FAM86B2: variants seen among roughly 807,000 people sequenced by gnomAD.
The protein encoded by FAM86B2 is putative protein N-methyltransferase FAM86B2.
A neutral mutation model predicts 26.5 loss-of-function variants in FAM86B2; 1 was observed. The ratio of observed to expected loss-of-function variants is 0.04; its 90% CI spans 0.01 to 0.18. FAM86B2 has a LOEUF of 0.18. Ranked by LOEUF, FAM86B2 falls within the 10% of genes least tolerant of loss-of-function variation. The pLI, the probability that FAM86B2 is intolerant of heterozygous loss-of-function variation, is 1.00. For synonymous variants in FAM86B2, 11 were observed against 127.8 expected, an observed-to-expected ratio of 0.09 and a Z score of 6.17; for missense variants, 43 against 303.5, an observed-to-expected ratio of 0.14 and a Z score of 6.38.
intron 7 of FAM86B2, among the ~76,000 whole-genome samples, chr8:12,426,228 C>A (rs1282774680): frequency 8.8e-5 from 13 of 148,206 alleles, no homozygotes; most frequent in African/African-American, 3.2e-4. Context: ...TCTGTGCCTG[C>A]GTCTGCCCCA....
intron 1 of FAM86B2, among the ~76,000 whole-genome samples, chr8:12,435,978 G>T (rs2150904260): frequency 6.6e-6 from 1 of 151,786 alleles, no homozygotes; most frequent in East Asian, 1.9e-4. Flanking sequence ...TCGTGAAAAT[G>T]ATCGTGAACC....
intron 6 of FAM86B2, among the ~76,000 whole-genome samples, chr8:12,428,339 G>T (rs1273773465): frequency 2.0e-5 from 3 of 151,200 alleles, no homozygotes; most frequent in Non-Finnish European, 3.0e-5. Context: ...TACCAGAAGT[G>T]GTTGTTTTCC....
chr8:12,433,237 CAG>C (rs1798343782), intron 2 of FAM86B2, among the ~76,000 whole-genome samples: 1 of 65,278 alleles, frequency 1.5e-5, no homozygotes, highest in Non-Finnish European at 3.2e-5. Context: ...GGGTGAAACT[CAG>C]AGCAAGGTGC....
At chr8:12,426,355 A>T (rs1388715745) in intron 7 of FAM86B2, among the ~76,000 whole-genome samples, 1 of 147,450 alleles carries the variant, frequency 6.8e-6, no homozygotes. Flanking sequence ...CTCTGTCTCA[A>T]AAAAAAAAAA....
intron 7 of FAM86B2, chr8:12,427,387 GC>G (rs1394616051): frequency 3.2e-6 from 1 of 310,660 alleles, no homozygotes; most frequent in Non-Finnish European, 5.1e-6. Context: ...GGAAACCGAG[GC>G]CCAAGGGCTT....
At chr8:12,435,912 G>C (rs1322531087) in intron 1 of FAM86B2, among the ~76,000 whole-genome samples, 1 of 149,370 alleles carries the variant, frequency 6.7e-6, no homozygotes. Context: ...TGACTTTTTA[G>C]AATGGGCGAG....
At chr8:12,433,626 C>T (rs1459113052) in intron 2 of FAM86B2, among the ~76,000 whole-genome samples, 93 of 143,438 alleles carry the variant, frequency 6.5e-4, no homozygotes, top group African/African-American at 2.1e-3. Context: ...CATGCAGATG[C>T]ACTTGAGTCC....
chr8:12,429,251 G>A, intron 4 of FAM86B2, 137 bp from the exon 5 acceptor site: 1 of 125,666 alleles, frequency 8.0e-6, no homozygotes, highest in Non-Finnish European at 1.3e-5. Flanking sequence ...GCAGCTAACT[G>A]TTGACATACC....
rs577964015 is a variant in FAM86B2, at chr8:12,435,819, TGAG to T, written c.96+426_96+428del. Among the ~76,000 whole-genome samples, 88 of 139,574 alleles carry T rather than the reference TGAG, an allele frequency of 6.3e-4. 3 individuals carry two copies. The Middle Eastern group carries it at 0.015, about 24-fold the overall frequency. 91.6% of individuals were successfully genotyped at this position (139,574 alleles called of 152,430 possible). On this transcript the variant is annotated intron_variant, in intron 1 of 7. Coordinates refer to ENST00000262365, the MANE Select transcript of FAM86B2 (RefSeq NM_001137610.3). ...TTCTGTGCAGTGCTCGACATACAGA[TGAG>T]AACACTGAGGCACGAGGGACAGCCT...
intron 7 of FAM86B2, among the ~76,000 whole-genome samples, 162 bp from the exon 8 acceptor site, chr8:12,426,151 C>G: frequency 1.4e-5 from 2 of 145,508 alleles, no homozygotes; most frequent in Non-Finnish European, 3.0e-5. Context: ...AATTCGCCTC[C>G]AGGATGGGAC....
chr8:12,434,995 C>G (rs1271547999), intron 1 of FAM86B2, among the ~76,000 whole-genome samples: 2 of 151,288 alleles, frequency 1.3e-5, no homozygotes, highest in Non-Finnish European at 2.9e-5. Flanking sequence ...CCTCATCTAT[C>G]ATGGGTACTG....
In FAM86B2 at chr8:12,427,711, C is replaced by T. The variant is rs201696967; in HGVS notation, c.838G>A (p.Val280Met). ...TCTGGGTTGCGGACGGTAAAGGCCA[C>T]GTAGACCTCAGGAGCCCGCTTGTGC... Reference protein sequence around the residue: ...REHKRAPEVYVAFTVRNPETC... With the variant: ...REHKRAPEVYMAFTVRNPETC... Residue 280 changes from valine to methionine, a missense_variant, in exon 7 of 8, where the codon GTG becomes ATG. Physicochemically the swap from Val to Met is conservative, Grantham distance 21. Coordinates refer to ENST00000262365, the MANE Select transcript of FAM86B2 (RefSeq NM_001137610.3). 4.8e-4 allele frequency: 528 copies of T among 1,094,726 alleles called. 172 individuals are homozygous for T. Among genetic ancestry groups the T allele is most frequent in the African/African-American group, 6.8e-4 (36 of 53,172 alleles). 67.8% of individuals were successfully genotyped at this position (1,094,726 alleles called of 1,614,324 possible). A position where few individuals can be genotyped will look rare whatever the true frequency, so the allele number is the denominator to read the frequency against.
Position 12,429,423 on chromosome 8 carries a change from G to A in FAM86B2, c.343-309C>T, listed in dbSNP as rs1289990833. Among the ~76,000 whole-genome samples the A allele has an allele frequency of 7.4e-5, 4 of 54,326 alleles. 1 individual carries two copies. The highest frequency in any genetic ancestry group is 8.8e-4 in the East Asian group (1 of 1,138). The allele number at this position is 54,326 out of a possible 152,430, so 35.6% of individuals were successfully genotyped here. ...CAGGTGTGGCTATGAAGAGGTGGCT[G>A]CCTTGTGATGATTCAATATGCTATG... On this transcript the variant is annotated intron_variant, in intron 4 of 7. Coordinates refer to ENST00000262365, the MANE Select transcript of FAM86B2 (RefSeq NM_001137610.3).
Position 12,424,446 on chromosome 8 carries a change from T to TCACA in FAM86B2, c.*1442_*1443insTGTG, listed in dbSNP as rs1358815590. On this transcript the variant is annotated 3_prime_UTR_variant, in exon 8 of 8. Transcript: ENST00000262365. ...TGGCTTTGTTCCAACAAAGCTTTAT[T>TCACA]TACAAACACAGGCTGTGGGCTGGAT... 8.2e-6 allele frequency among the ~76,000 whole-genome samples: 1 copy of TCACA among 122,472 alleles called. No individual in the cohort carries two copies. The highest frequency in any genetic ancestry group is 2.6e-4 in the East Asian group (1 of 3,786). 80.3% of individuals were successfully genotyped at this position (122,472 alleles called of 152,430 possible).
intron 4 of FAM86B2, among the ~76,000 whole-genome samples, chr8:12,429,574 A>G (rs573428814): frequency 3.6e-5 from 2 of 54,926 alleles, no homozygotes; most frequent in African/African-American, 1.4e-4. Flanking sequence ...GGGTTCAAGC[A>G]ATTCTCCTGC....
chr8:12,434,944 T>G (rs1442949434), intron 1 of FAM86B2, among the ~76,000 whole-genome samples: 1 of 151,764 alleles, frequency 6.6e-6, no homozygotes, highest in Non-Finnish European at 1.5e-5. Flanking sequence ...GGTCTTTTCT[T>G]GTTTATTCAT....
intron 6 of FAM86B2, among the ~76,000 whole-genome samples, chr8:12,428,417 G>A (rs4831381): frequency 9.9e-4 from 150 of 151,880 alleles, no homozygotes; most frequent in African/African-American, 3.5e-3. Context: ...ACTGTAACGG[G>A]AGTATGCCTG....
chr8:12,434,514 G>A (rs1180985537), intron 1 of FAM86B2, among the ~76,000 whole-genome samples: 1 of 92,324 alleles, frequency 1.1e-5, no homozygotes, highest in Non-Finnish European at 2.2e-5. Flanking sequence ...CTCAAGCCCA[G>A]CAGTGAGCTT....
intron 4 of FAM86B2, among the ~76,000 whole-genome samples, 176 bp downstream of exon 4, chr8:12,430,173 GT>G (rs1813289847): frequency 8.9e-6 from 1 of 111,764 alleles, no homozygotes; most frequent in Admixed American, 9.8e-5. Context: ...ACATGCTGTT[GT>G]TGTTGAAGTG....
Sources: allele counts gnomAD v4.1 joint callset (sites outside exome capture counted in the v4.1 genomes callset), GRCh38; gene constraint gnomAD v4.1.1; transcripts MANE v1.5; gene names NCBI Gene and HGNC (gene_info 2026-07-23, HGNC 2026-07-21).